GPHN: variants seen among roughly 807,000 people sequenced by gnomAD.
The protein encoded by GPHN is gephyrin.
Under a neutral mutation model 95.5 loss-of-function variants are expected in GPHN, and 17 were observed. The ratio of observed to expected loss-of-function variants is 0.18; its 90% CI spans 0.12 to 0.27. The LOEUF (loss-of-function observed/expected upper bound fraction) is 0.27, where lower values mean the gene tolerates loss of function less well. Ranked by LOEUF, GPHN falls within the 10% of genes least tolerant of loss-of-function variation. The pLI, the probability that GPHN is intolerant of heterozygous loss-of-function variation, is 1.00. For missense variants in GPHN, 660 were observed against 978.1 expected (o/e 0.67, Z 4.34); for synonymous variants, 320 against 322.5 (o/e 0.99, Z 0.08).
the GPHN span, among the ~76,000 whole-genome samples, chr14:67,699,589 CAAAAAAAAAAAAAA>C: frequency 1.4e-4 from 7 of 50,802 alleles, no homozygotes; most frequent in Admixed American, 4.8e-4. Flanking sequence ...GACCCTATCT[CAAAAAAAAAAAAAA>C]AAAAAAAAAG....
chr14:66,904,695 G>A (rs1447007329), intron 5 of GPHN, among the ~76,000 whole-genome samples: 1 of 152,106 alleles, frequency 6.6e-6, no homozygotes, highest in East Asian at 1.9e-4. Flanking sequence ...TGCTGGAAAG[G>A]GGCACAGAAG....
At chr14:66,614,137 C>A (rs1405447806) in intron 1 of GPHN, among the ~76,000 whole-genome samples, 2 of 152,100 alleles carry the variant, frequency 1.3e-5, no homozygotes, top group Non-Finnish European at 2.9e-5. Flanking sequence ...TCAACTCTCC[C>A]ACTTACAAAT....
the GPHN span, chr14:67,727,850 T>A: frequency 6.5e-6 from 1 of 154,370 alleles, no homozygotes; most frequent in Non-Finnish European, 1.4e-5. Context: ...ATGTGGGTGC[T>A]CAGCTTTAAA....
the GPHN span, chr14:67,585,908 C>A: frequency 6.3e-7 from 1 of 1,578,154 alleles, no homozygotes; most frequent in Non-Finnish European, 8.6e-7. Flanking sequence ...GCTCAGGGGA[C>A]AGGTGGAAAG....
the GPHN span, among the ~76,000 whole-genome samples, chr14:67,517,339 G>T: frequency 3.9e-5 from 6 of 152,346 alleles, no homozygotes; most frequent in South Asian, 6.2e-4. Context: ...GGCTGGAAAG[G>T]CTTCGGAAGA....
At chr14:67,286,804 C>T in the GPHN span, among the ~76,000 whole-genome samples, 2 of 143,716 alleles carry the variant, frequency 1.4e-5, no homozygotes, top group African/African-American at 5.3e-5. Context: ...CTGCAGTGAG[C>T]TCTGATTACG....
intron 5 of GPHN, among the ~76,000 whole-genome samples, chr14:66,884,564 T>C (rs2064091596): frequency 7.2e-6 from 1 of 139,454 alleles, no homozygotes; most frequent in South Asian, 2.2e-4. Context: ...AAATTTATAA[T>C]TTATTCCCTA....
At chr14:66,594,263 C>G (rs572374426) in intron 1 of GPHN, among the ~76,000 whole-genome samples, 1 of 151,812 alleles carries the variant, frequency 6.6e-6, no homozygotes, top group East Asian at 1.9e-4. Flanking sequence ...AGATTCCATG[C>G]AACCCCCGTC....
chr14:67,199,786 C>T, the GPHN span: 909 of 1,527,082 alleles, frequency 6.0e-4, 1 homozygote, highest in Non-Finnish European at 7.5e-4. Flanking sequence ...CTCCTGGCTC[C>T]TTCCCACCCC....
At chr14:66,856,317 AT>A (rs1234523957) in intron 4 of GPHN, among the ~76,000 whole-genome samples, 3 of 152,164 alleles carry the variant, frequency 2.0e-5, no homozygotes, top group Admixed American at 6.5e-5. Flanking sequence ...CCAGGTAAAA[AT>A]AAACTTTAGA....
At chr14:66,930,844 C>T (rs1291097554) in intron 8 of GPHN, among the ~76,000 whole-genome samples, 2 of 152,106 alleles carry the variant, frequency 1.3e-5, no homozygotes, top group African/African-American at 2.4e-5. Context: ...TTTAGATCAT[C>T]TCTTAGTTGT....
the GPHN span, chr14:67,734,054 A>G: frequency 6.4e-6 from 3 of 466,100 alleles, no homozygotes; most frequent in East Asian, 1.4e-4. Flanking sequence ...GGACACCTAT[A>G]GAGTGTTCTT....
chr14:67,254,994 C>A, the GPHN span, among the ~76,000 whole-genome samples: 1 of 152,230 alleles, frequency 6.6e-6, no homozygotes, highest in East Asian at 1.9e-4. Flanking sequence ...ACTAAAAATA[C>A]AAAAATTAGC....
intron 2 of GPHN, among the ~76,000 whole-genome samples, chr14:66,746,909 A>T (rs948167452): frequency 6.6e-6 from 1 of 152,066 alleles, no homozygotes; most frequent in African/African-American, 2.4e-5. Context: ...GTCTTCTTTT[A>T]TTTTAGCTGC....
At chr14:66,694,343 A>C (rs2067983766) in intron 2 of GPHN, among the ~76,000 whole-genome samples, 2 of 152,204 alleles carry the variant, frequency 1.3e-5, no homozygotes, top group Non-Finnish European at 2.9e-5. Flanking sequence ...CAGAACAGTG[A>C]GAAATAAACT....
At chr14:66,516,168 G>T in intron 1 of GPHN, among the ~76,000 whole-genome samples, 1 of 148,496 alleles carries the variant, frequency 6.7e-6, no homozygotes, top group South Asian at 2.1e-4. Flanking sequence ...CACCATGCCT[G>T]GCTAATTTTT....
At chr14:67,708,985 G>A in the GPHN span, among the ~76,000 whole-genome samples, 2 of 152,018 alleles carry the variant, frequency 1.3e-5, no homozygotes, top group South Asian at 4.2e-4. Flanking sequence ...TAAAGATGGG[G>A]TTTCACCACG....
chr14:66,882,697 T>C (rs958577884), intron 5 of GPHN, among the ~76,000 whole-genome samples: 1 of 151,764 alleles, frequency 6.6e-6, no homozygotes, highest in African/African-American at 2.4e-5. Flanking sequence ...GTGATGACCA[T>C]GGTTGTTTCG....
chr14:66,574,654 A>G (rs2060831855), intron 1 of GPHN, among the ~76,000 whole-genome samples: 1 of 152,206 alleles, frequency 6.6e-6, no homozygotes, highest in Non-Finnish European at 1.5e-5. Flanking sequence ...GTTTTGGGGC[A>G]TATCCATGAG....
Sources: allele counts gnomAD v4.1 joint callset (sites outside exome capture counted in the v4.1 genomes callset), GRCh38; gene constraint gnomAD v4.1.1; transcripts MANE v1.5; gene names NCBI Gene and HGNC (gene_info 2026-07-23, HGNC 2026-07-21).